CRACDL: variants seen among roughly 807,000 people sequenced by gnomAD.
CRACDL encodes the protein CRACD-like protein.
A neutral mutation model predicts 70.6 loss-of-function variants in CRACDL; 26 were observed. The ratio of observed to expected loss-of-function variants is 0.37; its 90% CI spans 0.27 to 0.51. The LOEUF (loss-of-function observed/expected upper bound fraction) is 0.51. CRACDL is among the 20% of genes least tolerant of loss of function. The pLI, the probability that CRACDL is intolerant of heterozygous loss-of-function variation, is 0.94. For missense variants in CRACDL, 1,283 were observed against 1,376.9 expected (o/e 0.93, Z 1.08); for synonymous variants, 618 against 615.2 (o/e 1.00, Z -0.07).
rs1170319139 is a variant in CRACDL at position 98,817,199 on chromosome 2, G to A, written c.2416+4658C>T. On this transcript the variant is annotated intron_variant, in intron 7 of 9. Coordinates refer to ENST00000397899, the MANE Select transcript of CRACDL (RefSeq NM_207362.3). ...GAAAGGTGGTCATGAGGAGCTGGGC[G>A]GGGGAGAGGGAAATTGGGGGCTATT... Among the ~76,000 whole-genome samples, 10 of 152,278 alleles carry A rather than the reference G, an allele frequency of 6.6e-5. 1 individual carries two copies. In the South Asian group the frequency reaches 1.2e-3, roughly 19 times the overall value.
At chr2:98,890,546 C>T (rs952611045) in intron 1 of CRACDL, among the ~76,000 whole-genome samples, 3 of 152,190 alleles carry the variant, frequency 2.0e-5, no homozygotes, top group African/African-American at 7.2e-5. Flanking sequence ...GTGGCTTCTA[C>T]CAGATAAATT....
At chr2:98,912,283 G>A (rs894733583) in intron 1 of CRACDL, among the ~76,000 whole-genome samples, 2 of 152,232 alleles carry the variant, frequency 1.3e-5, no homozygotes, top group African/African-American at 2.4e-5. Context: ...CCAGTCAGGA[G>A]GCGATGCATT....
At chr2:98,878,298 T>G (rs561100535) in intron 1 of CRACDL, among the ~76,000 whole-genome samples, 1 of 152,316 alleles carries the variant, frequency 6.6e-6, no homozygotes, top group South Asian at 2.1e-4. Context: ...TATGTTTAGA[T>G]ATGTTCAGAT....
intron 1 of CRACDL, among the ~76,000 whole-genome samples, chr2:98,886,438 TA>T (rs1281539618): frequency 6.6e-6 from 1 of 152,206 alleles, no homozygotes; most frequent in Non-Finnish European, 1.5e-5. Flanking sequence ...CCTGGGTATC[TA>T]GAATATCACC....
chr2:98,821,567 T>G (rs1705029223), intron 7 of CRACDL, among the ~76,000 whole-genome samples: 1 of 152,084 alleles, frequency 6.6e-6, no homozygotes, highest in African/African-American at 2.4e-5. Context: ...TAAAATACAC[T>G]AAACTAAGGA....
At chr2:98,869,048 C>G (rs1396315860) in intron 1 of CRACDL, 2 of 1,288,172 alleles carry the variant, frequency 1.6e-6, no homozygotes, top group Non-Finnish European at 2.1e-6. Flanking sequence ...CGACTCTCCC[C>G]CACCACCTCT....
chr2:98,889,320 A>G (rs960869884), intron 1 of CRACDL, among the ~76,000 whole-genome samples: 1 of 88,980 alleles, frequency 1.1e-5, no homozygotes, highest in Non-Finnish European at 2.3e-5. Flanking sequence ...AGAAAGAAAG[A>G]AAGAAAGAAA....
At chr2:98,842,491 T>C (rs1281571922) in intron 2 of CRACDL, among the ~76,000 whole-genome samples, 1 of 152,176 alleles carries the variant, frequency 6.6e-6, no homozygotes, top group African/African-American at 2.4e-5. Context: ...TTCTTTTTGG[T>C]GTACATAGAG....
At chr2:98,865,956 G>A (rs1214720741) in intron 1 of CRACDL, among the ~76,000 whole-genome samples, 1 of 151,476 alleles carries the variant, frequency 6.6e-6, no homozygotes, top group East Asian at 1.9e-4. Context: ...GCCCACCACC[G>A]ACCTCAGGTG....
intron 1 of CRACDL, among the ~76,000 whole-genome samples, chr2:98,934,194 C>CA (rs1709152586): frequency 8.2e-6 from 1 of 121,870 alleles, no homozygotes; most frequent in Non-Finnish European, 1.6e-5. Context: ...CAAGATTCAT[C>CA]CTTTTTTTTT....
intron 1 of CRACDL, among the ~76,000 whole-genome samples, chr2:98,849,614 T>G (rs1176022136): frequency 6.6e-6 from 1 of 151,936 alleles, no homozygotes; most frequent in Non-Finnish European, 1.5e-5. Context: ...CTCACCTGTG[T>G]AGGTCCTTCC....
rs1474745104 is a variant in CRACDL at position 98,832,491 on chromosome 2, T to G, written c.397A>C (p.Lys133Gln). ...CCTGGAGGAGGTGGTGGCCCCATTT[T>G]CACATTACACTGTATTTTTAACTAG... Reference protein sequence around the residue: ...ALQLKIQCNVKMGPPPPPGGL... With the variant: ...ALQLKIQCNVQMGPPPPPGGL... The change falls in exon 5 of 10, where the codon AAA becomes CAA. Residue 133 changes from lysine to glutamine, a missense_variant. Transcript: ENST00000397899. 1.9e-5 allele frequency: 30 copies of G among 1,610,626 alleles called. No homozygotes were observed. The highest frequency in any genetic ancestry group is 2.5e-5 in the Non-Finnish European group (30 of 1,178,146).
At chr2:98,882,796 G>A (rs1707691425) in intron 1 of CRACDL, among the ~76,000 whole-genome samples, 1 of 152,210 alleles carries the variant, frequency 6.6e-6, no homozygotes, top group African/African-American at 2.4e-5. Context: ...TAGATCTGTA[G>A]AACAAAGGGG....
At chr2:98,927,998 C>T (rs945767104) in intron 1 of CRACDL, among the ~76,000 whole-genome samples, 2 of 151,800 alleles carry the variant, frequency 1.3e-5, no homozygotes, top group African/African-American at 2.4e-5. Flanking sequence ...CTGGCCAACA[C>T]GGTGAAACCC....
At chr2:98,826,809 T>G (rs1705319933) in intron 6 of CRACDL, among the ~76,000 whole-genome samples, 166 bp downstream of exon 6, 2 of 150,114 alleles carry the variant, frequency 1.3e-5, no homozygotes, top group African/African-American at 4.9e-5. Flanking sequence ...GGTTTATGTT[T>G]AAAAAGATGA....
chr2:98,935,122 G>A (rs1709173880), intron 1 of CRACDL, among the ~76,000 whole-genome samples: 1 of 152,184 alleles, frequency 6.6e-6, no homozygotes, highest in Admixed American at 6.5e-5. Flanking sequence ...AATGAAGGAA[G>A]CCTGCAGGCT....
intron 1 of CRACDL, among the ~76,000 whole-genome samples, chr2:98,849,217 C>A (rs1706382462): frequency 6.6e-6 from 1 of 152,242 alleles, no homozygotes; most frequent in African/African-American, 2.4e-5. Flanking sequence ...AGAGATCATG[C>A]ACTGGGTCTG....
intron 7 of CRACDL, 92 bp downstream of exon 7, chr2:98,821,765 C>A: frequency 6.9e-7 from 1 of 1,448,980 alleles, no homozygotes; most frequent in Non-Finnish European, 9.3e-7. Flanking sequence ...AAAGTTTGTA[C>A]CAGGAGCATT....
At chr2:98,867,995 G>A (rs1022919352) in intron 1 of CRACDL, among the ~76,000 whole-genome samples, 6 of 152,068 alleles carry the variant, frequency 3.9e-5, no homozygotes, top group East Asian at 1.9e-4. Flanking sequence ...ATAATGCTCC[G>A]AAGCCTATTA....
Sources: allele counts gnomAD v4.1 joint callset (sites outside exome capture counted in the v4.1 genomes callset), GRCh38; gene constraint gnomAD v4.1.1; transcripts MANE v1.5; gene names NCBI Gene and HGNC (gene_info 2026-07-23, HGNC 2026-07-21).